The following ASXL2 variants were observed in gnomAD, a reference collection of about 807,000 sequenced individuals.
The protein encoded by ASXL2 is ASXL transcriptional regulator 2.
In ASXL2, 23 loss-of-function variants were observed where a neutral mutation model predicts 122.0. The ratio of observed to expected loss-of-function variants is 0.19; its 90% CI spans 0.14 to 0.27. ASXL2 has a LOEUF of 0.27. Among genes scored for constraint, ASXL2 ranks in the 10% least tolerant of loss-of-function variants. The pLI, the probability that ASXL2 is intolerant of heterozygous loss-of-function variation, is 1.00. For missense variants in ASXL2, 1,518 were observed against 1,713.8 expected (o/e 0.89, Z 2.02); for synonymous variants, 650 against 637.0 (o/e 1.02, Z -0.31).
At chr2:25,878,037 C>G (rs1574460291) in intron 1 of ASXL2, 129 bp downstream of exon 1, 3 of 1,168,082 alleles carry the variant, frequency 2.6e-6, no homozygotes, top group East Asian at 2.4e-5. Flanking sequence ...CACTAACCGC[C>G]GCCCTCTCCG....
At chr2:25,803,456 G>A (rs575256351) in intron 4 of ASXL2, among the ~76,000 whole-genome samples, 1 of 152,326 alleles carries the variant, frequency 6.6e-6, no homozygotes, top group East Asian at 1.9e-4. Flanking sequence ...GTTGGCATCT[G>A]AAGGGGATGG....
intron 12 of ASXL2, among the ~76,000 whole-genome samples, chr2:25,745,266 G>A (rs574104632): frequency 1.9e-4 from 28 of 150,064 alleles, no homozygotes; most frequent in African/African-American, 3.0e-4. Flanking sequence ...AGGCTGGAGT[G>A]TAGTGGTGTG....
intron 1 of ASXL2, among the ~76,000 whole-genome samples, chr2:25,848,230 G>A (rs2089671789): frequency 6.6e-6 from 1 of 152,050 alleles, no homozygotes; most frequent in Non-Finnish European, 1.5e-5. Flanking sequence ...CCATGTTAAT[G>A]GTAAAAATTA....
At chr2:25,780,265 G>A (rs1257708154) in intron 5 of ASXL2, 1 of 151,668 alleles carries the variant, frequency 6.6e-6, no homozygotes, top group Non-Finnish European at 1.5e-5. Context: ...GCCCAGGCGG[G>A]AGCCACTTTG....
chr2:25,812,018 G>C (rs1426883742), intron 3 of ASXL2, among the ~76,000 whole-genome samples: 3 of 152,038 alleles, frequency 2.0e-5, no homozygotes, highest in Non-Finnish European at 4.4e-5. Flanking sequence ...CTCCCAAAGT[G>C]CTGGGATTAC....
intron 9 of ASXL2, 92 bp downstream of exon 9, chr2:25,759,390 A>T (rs1437506934): frequency 7.6e-7 from 1 of 1,320,476 alleles, no homozygotes; most frequent in Middle Eastern, 2.1e-4. Flanking sequence ...TTATGTAAAA[A>T]TATTCTTACT....
chr2:25,845,944 CTGGACA>C (rs1360317198), intron 1 of ASXL2, among the ~76,000 whole-genome samples: 3 of 152,102 alleles, frequency 2.0e-5, no homozygotes, highest in Admixed American at 2.0e-4. Flanking sequence ...AACTAAAAAC[CTGGACA>C]GAATGCATGA....
In ASXL2 at chr2:25,735,382, A is replaced by ACC; in HGVS notation, c.*6646_*6647insGG. The ACC allele has an allele frequency of 6.6e-6, 1 of 152,218 alleles. No homozygotes were observed. The highest frequency in any genetic ancestry group is 1.5e-5 in the Non-Finnish European group (1 of 68,040). The allele number at this position is 152,218 out of a possible 1,614,324, so 9.4% of individuals were successfully genotyped here. A position where few individuals can be genotyped will look rare whatever the true frequency, so the allele number is the denominator to read the frequency against. On this transcript the variant is annotated 3_prime_UTR_variant, in exon 13 of 13. Transcript: ENST00000435504. ...ACCAAATTCTTCTTTAAAAAGCGCT[A>ACC]GAGTCCTGCTGAAGCCCTTTTTAAT...
chr2:25,742,179 C>T lies in ASXL2; in HGVS notation c.4158G>A (p.Ala1386=), dbSNP rs186221992. The change falls in exon 13 of 13, where the codon GCG becomes GCA. Residue 1386 remains alanine (A), a synonymous_variant. Transcript: ENST00000435504. ...SSHGQTIPVQ[A]FSEENSIEGT... is the part of the protein sequence containing the mutation. Reference sequence around the variant, plus strand: ...CCTCTATGCTGTTCTCTTCGGAGAACGCCTGAACAGGAATGGTCTGGCCAT... The same window carrying T: ...CCTCTATGCTGTTCTCTTCGGAGAATGCCTGAACAGGAATGGTCTGGCCAT... 5.6e-5 allele frequency: 91 copies of T among 1,613,996 alleles called. No homozygotes were observed. Among genetic ancestry groups the T allele is most frequent in the Admixed American group, 4.8e-4 (29 of 60,024 alleles).
At chr2:25,766,179 AT>A (rs1318567493) in intron 8 of ASXL2, among the ~76,000 whole-genome samples, 1 of 151,746 alleles carries the variant, frequency 6.6e-6, no homozygotes, top group Non-Finnish European at 1.5e-5. Flanking sequence ...TATGTGAAGT[AT>A]TTTTCTTCTT....
chr2:25,791,395 G>A (rs1036581202), intron 5 of ASXL2, among the ~76,000 whole-genome samples: 2 of 151,608 alleles, frequency 1.3e-5, no homozygotes, highest in Non-Finnish European at 2.9e-5. Context: ...GCTGAGGCAG[G>A]AGAATAGCTT....
chr2:25,829,934 C>G (rs1023722105), intron 3 of ASXL2, among the ~76,000 whole-genome samples: 16 of 152,192 alleles, frequency 1.1e-4, no homozygotes, highest in Admixed American at 9.8e-4. Context: ...TGCCAGGAAG[C>G]CTGTCTGTCC....
intron 1 of ASXL2, among the ~76,000 whole-genome samples, chr2:25,860,710 C>A (rs1434690925): frequency 7.4e-6 from 1 of 135,216 alleles, no homozygotes. Context: ...GACTCCATCT[C>A]AGAGGAAAAA....
intron 11 of ASXL2, 29 bp downstream of exon 11, chr2:25,753,505 T>C (rs758145461): frequency 1.9e-6 from 3 of 1,551,818 alleles, no homozygotes; most frequent in Non-Finnish European, 2.7e-6. Flanking sequence ...GAATTAACAT[T>C]TGGTTTATAG....
Position 25,781,959 on chromosome 2 carries a change from C to CTTTTTTTTTTTTTTTTTTTT in ASXL2, c.404-10420_404-10419insAAAAAAAAAAAAAAAAAAAA, listed in dbSNP as rs1327580113. Among the ~76,000 whole-genome samples, 2 of 88,400 alleles carry CTTTTTTTTTTTTTTTTTTTT rather than the reference C, an allele frequency of 2.3e-5. 1 individual carries two copies. Among genetic ancestry groups the CTTTTTTTTTTTTTTTTTTTT allele is most frequent in the Non-Finnish European group, 4.7e-5 (2 of 42,690 alleles). 58.0% of individuals were successfully genotyped at this position (88,400 alleles called of 152,430 possible). A position where few individuals can be genotyped will look rare whatever the true frequency, so the allele number is the denominator to read the frequency against. ...TAACAGGCGTGAGCCACCGCCCGGG[C>CTTTTTTTTTTTTTTTTTTTT]TTTTTTCTTTTTTTTTTTTTTTTTT... On this transcript the variant is annotated intron_variant, in intron 5 of 12. Coordinates refer to ENST00000435504, the MANE Select transcript of ASXL2 (RefSeq NM_018263.6).
intron 1 of ASXL2, among the ~76,000 whole-genome samples, chr2:25,852,049 T>TA (rs11403930): frequency 1 from 152,048 of 152,346 alleles, 75,876 homozygotes; most frequent in Middle Eastern, 1. Context: ...TACATTATCT[T>TA]CCACAAGCGG....
intron 12 of ASXL2, among the ~76,000 whole-genome samples, chr2:25,746,724 C>G (rs1177942502): frequency 3.3e-5 from 5 of 152,032 alleles, no homozygotes; most frequent in African/African-American, 1.2e-4. Context: ...GTTTCGATAC[C>G]TAAAAATAAG....
At chr2:25,870,897 C>T (rs1320720999) in intron 1 of ASXL2, among the ~76,000 whole-genome samples, 1 of 152,100 alleles carries the variant, frequency 6.6e-6, no homozygotes, top group Non-Finnish European at 1.5e-5. Flanking sequence ...TTTCAGTATG[C>T]AGACTTTCAC....
chr2:25,848,556 G>T (rs2149194620), intron 1 of ASXL2, among the ~76,000 whole-genome samples: 1 of 152,052 alleles, frequency 6.6e-6, no homozygotes, highest in East Asian at 1.9e-4. Context: ...CCTGGAGACG[G>T]AGCTTGCAGT....
Sources: allele counts gnomAD v4.1 joint callset (sites outside exome capture counted in the v4.1 genomes callset), GRCh38; gene constraint gnomAD v4.1.1; transcripts MANE v1.5; gene names NCBI Gene and HGNC (gene_info 2026-07-23, HGNC 2026-07-21).